Variants in ANKS1B observed in about 807,000 individuals in gnomAD.
ANKS1B encodes the protein ankyrin repeat and sterile alpha motif domain containing 1B.
ANKS1B carries 36 observed loss-of-function variants against 148.3 expected under a neutral mutation model. That is an observed-to-expected ratio of 0.24 (90% CI 0.19 to 0.32). The LOEUF (loss-of-function observed/expected upper bound fraction) is 0.32. Ranked by LOEUF, ANKS1B falls within the 10% of genes least tolerant of loss-of-function variation. The pLI, the probability that ANKS1B is intolerant of heterozygous loss-of-function variation, is 1.00. For missense variants in ANKS1B, 1,157 were observed against 1,542.6 expected (o/e 0.75, Z 4.19); for synonymous variants, 542 against 560.8 (o/e 0.97, Z 0.47).
At chr12:99,720,752 C>G (rs937920573) in intron 8 of ANKS1B, among the ~76,000 whole-genome samples, 2 of 152,084 alleles carry the variant, frequency 1.3e-5, no homozygotes, top group African/African-American at 2.4e-5. Context: ...GGACTGTGCC[C>G]CAAAAAACTT....
intron 1 of ANKS1B, among the ~76,000 whole-genome samples, chr12:99,830,165 TCAAA>T (rs2083747022): frequency 6.6e-6 from 1 of 152,054 alleles, no homozygotes; most frequent in African/African-American, 2.4e-5. Context: ...AGTCCAAGAA[TCAAA>T]CAAAATAATG....
intron 8 of ANKS1B, among the ~76,000 whole-genome samples, chr12:99,695,008 AG>A (rs1249029617): frequency 2.0e-5 from 3 of 152,334 alleles, no homozygotes; most frequent in African/African-American, 7.2e-5. Flanking sequence ...CTGAAATTAA[AG>A]GAACAGGGTC....
intron 1 of ANKS1B, among the ~76,000 whole-genome samples, chr12:99,891,102 T>C (rs1318256138): frequency 6.6e-6 from 1 of 152,220 alleles, no homozygotes; most frequent in Non-Finnish European, 1.5e-5. Context: ...ATTCATTTTG[T>C]AGCGTGCATC....
At chr12:99,701,316 A>G (rs1201479138) in intron 8 of ANKS1B, among the ~76,000 whole-genome samples, 2 of 152,166 alleles carry the variant, frequency 1.3e-5, no homozygotes, top group Non-Finnish European at 2.9e-5. Context: ...ATGCTAAACA[A>G]TAGTATATAG....
intron 11 of ANKS1B, among the ~76,000 whole-genome samples, chr12:99,436,454 C>T (rs905097290): frequency 1.3e-5 from 2 of 152,004 alleles, no homozygotes; most frequent in East Asian, 3.9e-4. Context: ...CCTTGAAGTT[C>T]TTTTTATTCC....
chr12:98,970,323 G>A (rs1050880885), intron 17 of ANKS1B, among the ~76,000 whole-genome samples: 23 of 152,046 alleles, frequency 1.5e-4, no homozygotes, highest in Admixed American at 4.6e-4. Flanking sequence ...CTAGAATGCT[G>A]TTAAATTTGC....
intron 17 of ANKS1B, among the ~76,000 whole-genome samples, chr12:98,950,379 C>T (rs1285461261): frequency 6.6e-6 from 1 of 152,118 alleles, no homozygotes; most frequent in Non-Finnish European, 1.5e-5. Context: ...CGCCTGTAAT[C>T]CCAGCTACTT....
At chr12:99,670,395 C>T (rs960561465) in intron 8 of ANKS1B, among the ~76,000 whole-genome samples, 5 of 152,106 alleles carry the variant, frequency 3.3e-5, no homozygotes, top group African/African-American at 7.2e-5. Context: ...TCAGTGAATA[C>T]ACATACCTTT....
At chr12:99,866,016 G>A (rs140353176) in intron 1 of ANKS1B, among the ~76,000 whole-genome samples, 67 of 152,204 alleles carry the variant, frequency 4.4e-4, no homozygotes, top group African/African-American at 1.6e-3. Context: ...AAGTGGAGTA[G>A]CTTAAGAATG....
intron 1 of ANKS1B, among the ~76,000 whole-genome samples, chr12:99,856,452 G>C (rs1303819354): frequency 1.3e-5 from 2 of 151,496 alleles, no homozygotes; most frequent in African/African-American, 2.4e-5. Context: ...GGACCAATCA[G>C]ACATTTAAAG....
intron 1 of ANKS1B, among the ~76,000 whole-genome samples, chr12:99,919,533 C>T (rs1272308928): frequency 2.0e-5 from 3 of 151,970 alleles, no homozygotes; most frequent in Non-Finnish European, 2.9e-5. Flanking sequence ...AACACAGATT[C>T]ACAAGAAGAG....
Position 99,779,860 on chromosome 12 carries a change from A to G in ANKS1B, c.847+11T>C, listed in dbSNP as rs1321702506. On this transcript the variant is annotated intron_variant, in intron 6 of 26. Coordinates refer to ENST00000683438, the MANE Select transcript of ANKS1B (RefSeq NM_001352186.2). ...TTAAGGCAAACTCATCCATCATTCAATACTGTTTACCTTGTAAGAGTGTTG... is the reference window on the plus strand; with the variant it reads ...TTAAGGCAAACTCATCCATCATTCAGTACTGTTTACCTTGTAAGAGTGTTG... The G allele has an allele frequency of 1.3e-6, 2 of 1,594,748 alleles. No individual in the cohort carries two copies. Among genetic ancestry groups the G allele is most frequent in the Middle Eastern group, 3.3e-4 (2 of 6,008 alleles).
intron 1 of ANKS1B, among the ~76,000 whole-genome samples, chr12:99,974,678 C>T (rs1297923688): frequency 6.6e-6 from 1 of 151,932 alleles, no homozygotes; most frequent in East Asian, 2.0e-4. Context: ...TCGAGACCAA[C>T]CCAGGAGTTC....
chr12:98,833,646 A>T (rs2099344978), intron 17 of ANKS1B, among the ~76,000 whole-genome samples: 1 of 152,108 alleles, frequency 6.6e-6, no homozygotes, highest in South Asian at 2.1e-4. Flanking sequence ...TTGTTACATG[A>T]ATACACTGAG....
intron 1 of ANKS1B, among the ~76,000 whole-genome samples, chr12:99,837,096 T>C (rs914398052): frequency 1.3e-5 from 2 of 151,940 alleles, no homozygotes; most frequent in Non-Finnish European, 1.5e-5. Context: ...AAGAGGGAAA[T>C]GGAAGAGTCA....
At chr12:99,244,237 T>C (rs2089901848) in intron 14 of ANKS1B, 105 bp downstream of exon 14, 1 of 723,142 alleles carries the variant, frequency 1.4e-6, no homozygotes, top group African/African-American at 1.8e-5. Context: ...TAATTTGTAG[T>C]TATTGTTATA....
intron 8 of ANKS1B, among the ~76,000 whole-genome samples, chr12:99,704,603 A>T (rs1021366033): frequency 6.6e-6 from 1 of 151,974 alleles, no homozygotes; most frequent in African/African-American, 2.4e-5. Context: ...CTCTAATGAA[A>T]ACTGTGCCAA....
intron 4 of ANKS1B, among the ~76,000 whole-genome samples, chr12:99,786,234 G>A (rs550365468): frequency 6.6e-6 from 1 of 152,068 alleles, no homozygotes; most frequent in Admixed American, 6.5e-5. Context: ...GGATTGCGAG[G>A]GGAAAGAAAT....
chr12:99,749,517 A>C (rs1253114925), intron 8 of ANKS1B, among the ~76,000 whole-genome samples: 3 of 152,062 alleles, frequency 2.0e-5, no homozygotes, highest in Admixed American at 1.3e-4. Context: ...TTTCTGCATA[A>C]ATCAGTTTGA....
Sources: allele counts gnomAD v4.1 joint callset (sites outside exome capture counted in the v4.1 genomes callset), GRCh38; gene constraint gnomAD v4.1.1; transcripts MANE v1.5; gene names NCBI Gene and HGNC (gene_info 2026-07-23, HGNC 2026-07-21).